DOCK7: variants seen among roughly 807,000 people sequenced by gnomAD.
DOCK7 encodes the protein dedicator of cytokinesis protein 7.
In DOCK7, 138 loss-of-function variants were observed where a neutral mutation model predicts 271.0. The ratio of observed to expected loss-of-function variants is 0.51; its 90% CI spans 0.44 to 0.59. DOCK7 has a LOEUF of 0.59. Among genes scored for constraint, DOCK7 ranks in the 20% least tolerant of loss-of-function variants. The pLI is 0.00. For missense variants in DOCK7, 2,066 were observed against 2,592.4 expected (o/e 0.80, Z 4.41); for synonymous variants, 823 against 876.1 (o/e 0.94, Z 1.07).
chr1:62,607,575 T>C (rs1165231931), intron 14 of DOCK7, among the ~76,000 whole-genome samples: 1 of 152,224 alleles, frequency 6.6e-6, no homozygotes, highest in Non-Finnish European at 1.5e-5. Context: ...GAATTTGTAA[T>C]GGCTGCATAC....
At chr1:62,578,654 G>A (rs940341992) in intron 17 of DOCK7, among the ~76,000 whole-genome samples, 174 bp downstream of exon 17, 6 of 148,506 alleles carry the variant, frequency 4.0e-5, no homozygotes, top group Admixed American at 6.8e-5. Flanking sequence ...CCCAGGAAAC[G>A]GAGGTTGCAG....
intron 1 of DOCK7, among the ~76,000 whole-genome samples, chr1:62,683,683 C>A (rs1438394305): frequency 1.3e-5 from 2 of 152,096 alleles, no homozygotes; most frequent in Admixed American, 1.3e-4. Context: ...GCCTGTAATC[C>A]CAGCACTTTG....
At chr1:62,553,689 C>A (rs987475919) in intron 21 of DOCK7, among the ~76,000 whole-genome samples, 1 of 151,840 alleles carries the variant, frequency 6.6e-6, no homozygotes, top group Non-Finnish European at 1.5e-5. Context: ...CACTCAAGAA[C>A]TAATGATTGC....
chr1:62,542,737 G>C, intron 24 of DOCK7, 34 bp from the exon 25 acceptor site: 1 of 1,582,274 alleles, frequency 6.3e-7, no homozygotes, highest in Non-Finnish European at 8.6e-7. Context: ...TATTATCAAA[G>C]TCAAATCTGC....
chr1:62,484,173 C>T lies in DOCK7; in HGVS notation c.5508+3225G>A, dbSNP rs534432993. Reference sequence around the variant, plus strand: ...ACATATAAAAACCAAAATACTGGCTCACATTCATGTCCATTCAGTCCAATA... The same window carrying T: ...ACATATAAAAACCAAAATACTGGCTTACATTCATGTCCATTCAGTCCAATA... On this transcript the variant is annotated intron_variant, in intron 43 of 49. Transcript: ENST00000635253. 2.6e-5 allele frequency: 4 copies of T among 152,178 alleles called. No individual in the cohort carries two copies. The South Asian group carries it at 8.3e-4, about 32-fold the overall frequency. The allele number at this position is 152,178 out of a possible 1,614,324, so 9.4% of individuals were successfully genotyped here. A position where few individuals can be genotyped will look rare whatever the true frequency, so the allele number is the denominator to read the frequency against.
At chr1:62,633,378 T>C (rs1317757510) in intron 10 of DOCK7, 120 bp downstream of exon 10, 3 of 718,470 alleles carry the variant, frequency 4.2e-6, no homozygotes. Context: ...TTCCTTAATA[T>C]GCTTTGTTGC....
chr1:62,640,660 A>G (rs955687236), intron 7 of DOCK7, among the ~76,000 whole-genome samples: 4 of 152,204 alleles, frequency 2.6e-5, no homozygotes, highest in Non-Finnish European at 5.9e-5. Context: ...TTCCCAGTCT[A>G]TGTGTCTATA....
chr1:62,592,401 G>A (rs958208769), intron 14 of DOCK7, among the ~76,000 whole-genome samples: 5 of 152,020 alleles, frequency 3.3e-5, no homozygotes, highest in East Asian at 1.9e-4. Flanking sequence ...TAAAGAGACC[G>A]GATTTTATAG....
intron 43 of DOCK7, chr1:62,482,344 ATT>A (rs11349522): frequency 0.033 from 4,076 of 125,316 alleles, 43 homozygotes; most frequent in African/African-American, 0.042. Context: ...GACTCTAAGC[ATT>A]TTTTTTTTTT....
At chr1:62,569,152 A>G (rs1646680097) in intron 18 of DOCK7, among the ~76,000 whole-genome samples, 1 of 152,186 alleles carries the variant, frequency 6.6e-6, no homozygotes. Context: ...GCTAAATTCT[A>G]CCAGAGATAC....
intron 1 of DOCK7, among the ~76,000 whole-genome samples, chr1:62,670,933 C>T (rs1659920979): frequency 6.6e-6 from 1 of 152,208 alleles, no homozygotes; most frequent in Non-Finnish European, 1.5e-5. Flanking sequence ...TGGGTCCACG[C>T]TGCTTTTATG....
rs556469700 is a variant in DOCK7 at position 62,647,992 on chromosome 1, T to C, written c.732+114A>G. 2.4e-5 allele frequency: 23 copies of C among 969,536 alleles called. No individual in the cohort carries two copies. In the Middle Eastern group the frequency reaches 9.7e-4, roughly 41 times the overall value. 60.1% of individuals were successfully genotyped at this position (969,536 alleles called of 1,614,324 possible). On this transcript the variant is annotated intron_variant, in intron 6 of 49. Transcript: ENST00000635253. ...TATAAAATGTATTCATTTATAAAAATTACAGCTGTTTCAGTTGCTTTATCC... is the reference window on the plus strand; with the variant it reads ...TATAAAATGTATTCATTTATAAAAACTACAGCTGTTTCAGTTGCTTTATCC...
At chr1:62,632,025 C>A (rs1280921461) in intron 10 of DOCK7, among the ~76,000 whole-genome samples, 1 of 152,158 alleles carries the variant, frequency 6.6e-6, no homozygotes, top group East Asian at 1.9e-4. Context: ...AACTTTTAGG[C>A]TACTCCTGAA....
intron 4 of DOCK7, among the ~76,000 whole-genome samples, chr1:62,650,894 T>C (rs1657255644): frequency 6.6e-6 from 1 of 152,180 alleles, no homozygotes; most frequent in African/African-American, 2.4e-5. Flanking sequence ...TGGCAATTCC[T>C]CAGGGATCTA....
rs200786837 is a variant in DOCK7, at chr1:62,455,462, A to G, written c.6381-6T>C. Reference sequence around the variant, plus strand: ...TCATTCGACTGAAGGAATCTCTGGGAAAAAAATGAGAGGACATAGTTAGTT... The same window carrying G: ...TCATTCGACTGAAGGAATCTCTGGGGAAAAAATGAGAGGACATAGTTAGTT... On this transcript the variant is annotated splice_polypyrimidine_tract_variant and splice_region_variant and intron_variant, in intron 49 of 49. Transcript: ENST00000635253. 8.7e-6 allele frequency: 14 copies of G among 1,612,092 alleles called. No individual in the cohort carries two copies. Among genetic ancestry groups the G allele is most frequent in the African/African-American group, 2.7e-5 (2 of 74,960 alleles).
At chr1:62,566,703 A>C (rs1187114530) in intron 18 of DOCK7, among the ~76,000 whole-genome samples, 1 of 152,214 alleles carries the variant, frequency 6.6e-6, no homozygotes, top group East Asian at 1.9e-4. Context: ...AATGGGATCT[A>C]ATTAAACTAA....
At chr1:62,604,710 C>T in intron 14 of DOCK7, 1 of 1,612,986 alleles carries the variant, frequency 6.2e-7, no homozygotes, top group South Asian at 1.1e-5. Context: ...AAAATCTAAG[C>T]CAGAGAGGAG....
At chr1:62,509,332 AAT>A in intron 34 of DOCK7, among the ~76,000 whole-genome samples, 1 of 149,164 alleles carries the variant, frequency 6.7e-6, no homozygotes, top group South Asian at 2.1e-4. Context: ...AAAAAAAAAG[AAT>A]ACAATTATCA....
chr1:62,602,811 C>T (rs906154972), intron 14 of DOCK7, among the ~76,000 whole-genome samples: 1 of 151,408 alleles, frequency 6.6e-6, no homozygotes, highest in African/African-American at 2.4e-5. Context: ...CTCAGACATA[C>T]AGTATACATT....
Sources: allele counts gnomAD v4.1 joint callset (sites outside exome capture counted in the v4.1 genomes callset), GRCh38; gene constraint gnomAD v4.1.1; transcripts MANE v1.5; gene names NCBI Gene and HGNC (gene_info 2026-07-23, HGNC 2026-07-21).